MDGA2: variants seen among roughly 807,000 people sequenced by gnomAD.
The protein encoded by MDGA2 is MAM domain-containing glycosylphosphatidylinositol anchor protein 2.
MDGA2 carries 40 observed loss-of-function variants against 117.8 expected under a neutral mutation model. The ratio of observed to expected loss-of-function variants is 0.34; its 90% CI spans 0.26 to 0.44. MDGA2 has a LOEUF of 0.44. MDGA2 is among the 20% of genes least tolerant of loss of function. The probability of loss-of-function intolerance (pLI) is 1.00; values close to 1 mark genes in which losing one functional copy is unlikely to be tolerated. For missense variants in MDGA2, 1,123 were observed against 1,250.6 expected (o/e 0.90, Z 1.54); for synonymous variants, 452 against 439.0 (o/e 1.03, Z -0.37).
intron 1 of MDGA2, among the ~76,000 whole-genome samples, chr14:47,428,047 T>A (rs1005823526): frequency 3.9e-5 from 6 of 152,184 alleles, no homozygotes; most frequent in African/African-American, 1.4e-4. Flanking sequence ...TTTTTTTGCA[T>A]AGCTATTTTA....
At chr14:47,244,872 C>T (rs1053374293) in intron 2 of MDGA2, among the ~76,000 whole-genome samples, 1 of 151,632 alleles carries the variant, frequency 6.6e-6, no homozygotes, top group Non-Finnish European at 1.5e-5. Context: ...TCTACCTCTT[C>T]CATCCCTAAG....
At chr14:47,198,228 A>C (rs982875778) in intron 3 of MDGA2, among the ~76,000 whole-genome samples, 2 of 152,196 alleles carry the variant, frequency 1.3e-5, no homozygotes, top group Admixed American at 6.5e-5. Flanking sequence ...TTAAATGGTT[A>C]GTCTTTACTT....
chr14:47,218,245 A>G (rs760967880), intron 2 of MDGA2, 50 bp from the exon 3 acceptor site: 18 of 1,432,668 alleles, frequency 1.3e-5, no homozygotes, highest in South Asian at 1.5e-5. Flanking sequence ...TTTCCCACAG[A>G]GAAATCAAAT....
chr14:47,082,654 C>T (rs1340882991), intron 6 of MDGA2, among the ~76,000 whole-genome samples: 1 of 151,552 alleles, frequency 6.6e-6, no homozygotes, highest in Admixed American at 6.6e-5. Flanking sequence ...TAATCCTGAG[C>T]CGGTTTTTCA....
chr14:47,257,933 C>G (rs1887677127), intron 2 of MDGA2, among the ~76,000 whole-genome samples: 1 of 152,050 alleles, frequency 6.6e-6, no homozygotes, highest in South Asian at 2.1e-4. Context: ...TAAGTTTTAA[C>G]TAGTTGCAAA....
intron 10 of MDGA2, among the ~76,000 whole-genome samples, chr14:46,918,906 C>T (rs1165374212): frequency 3.3e-5 from 5 of 151,820 alleles, no homozygotes; most frequent in African/African-American, 9.7e-5. Flanking sequence ...GGACTACAGG[C>T]GCCCGTCAAC....
chr14:47,142,734 A>G (rs1882776118), intron 4 of MDGA2, among the ~76,000 whole-genome samples: 1 of 152,156 alleles, frequency 6.6e-6, no homozygotes, highest in Non-Finnish European at 1.5e-5. Context: ...GGGAAAATTC[A>G]GTCCTGCCTG....
rs151232297 is a variant in MDGA2 at position 47,385,845 on chromosome 14, T to C, written c.281-84295A>G. Among the ~76,000 whole-genome samples the C allele has an allele frequency of 1.4e-4, 22 of 152,268 alleles. No homozygotes were observed. The East Asian group carries it at 3.9e-3, about 27-fold the overall frequency. ...CAACTGAGGCAGTTGCTTACCTATT[T>C]TATAATGTTGATAAATCCCAAAACT... On this transcript the variant is annotated intron_variant, in intron 1 of 16. Transcript: ENST00000399232.
intron 3 of MDGA2, among the ~76,000 whole-genome samples, chr14:47,173,643 A>C (rs931678572): frequency 2.6e-5 from 4 of 152,198 alleles, no homozygotes; most frequent in Non-Finnish European, 4.4e-5. Context: ...AGAGCTCCTG[A>C]AGGAAGCACT....
intron 1 of MDGA2, among the ~76,000 whole-genome samples, chr14:47,537,574 TAAAAAAAAAAAAAAAAAAAAAAAAAAA>T (rs58060138): frequency 2.7e-5 from 1 of 36,634 alleles, no homozygotes; most frequent in African/African-American, 8.4e-5. Flanking sequence ...TTCTCTCTGT[TAAAAAAAAAAAAAAAAAAAAAAAAAAA>T]AAAAAAAAAA....
intron 3 of MDGA2, among the ~76,000 whole-genome samples, chr14:47,148,069 A>T (rs1883016384): frequency 6.6e-6 from 1 of 152,130 alleles, no homozygotes. Context: ...CTATGTAACA[A>T]CAGTCCTACC....
chr14:47,626,394 G>A (rs1050977776), intron 1 of MDGA2: 12 of 152,992 alleles, frequency 7.8e-5, no homozygotes, highest in Admixed American at 2.0e-4. Context: ...CAGCCAGCTG[G>A]CAGCCCTCAC....
At chr14:47,481,616 G>T (rs1893955389) in intron 1 of MDGA2, among the ~76,000 whole-genome samples, 1 of 151,872 alleles carries the variant, frequency 6.6e-6, no homozygotes, top group African/African-American at 2.4e-5. Flanking sequence ...GTGACCAAAT[G>T]GCTCAAGGAC....
intron 8 of MDGA2, among the ~76,000 whole-genome samples, chr14:46,993,523 G>A (rs1299791320): frequency 6.6e-6 from 1 of 151,520 alleles, no homozygotes; most frequent in Non-Finnish European, 1.5e-5. Context: ...GTGCAGTGGT[G>A]TAATCTCAGT....
At chr14:47,278,027 C>G (rs1888360306) in intron 2 of MDGA2, among the ~76,000 whole-genome samples, 2 of 151,864 alleles carry the variant, frequency 1.3e-5, no homozygotes, top group Non-Finnish European at 2.9e-5. Context: ...GCCCAAGTAG[C>G]TATAGAGGGG....
chr14:46,895,356 A>G lies in MDGA2; in HGVS notation c.2239-13135T>C, dbSNP rs565637776. On this transcript the variant is annotated intron_variant, in intron 10 of 16. Transcript: ENST00000399232. ...CCCAGTCTCAGATATTTCTTCATAG[A>G]AGCATGAGAATGGACTAACACAGTA... 6.6e-5 allele frequency among the ~76,000 whole-genome samples: 10 copies of G among 152,296 alleles called. No individual in the cohort carries two copies. The South Asian group carries it at 2.1e-3, about 32-fold the overall frequency.
intron 3 of MDGA2, among the ~76,000 whole-genome samples, chr14:47,209,668 C>G (rs1885812817): frequency 6.6e-6 from 1 of 152,130 alleles, no homozygotes; most frequent in Admixed American, 6.5e-5. Context: ...ATTAGGAACT[C>G]TAATACTATT....
intron 1 of MDGA2, among the ~76,000 whole-genome samples, chr14:47,514,662 G>A (rs1475801868): frequency 6.6e-6 from 1 of 152,042 alleles, no homozygotes; most frequent in African/African-American, 2.4e-5. Flanking sequence ...AAAGTAAATT[G>A]TCCTTTATAC....
At chr14:46,899,326 T>G (rs1883197444) in intron 10 of MDGA2, among the ~76,000 whole-genome samples, 1 of 152,016 alleles carries the variant, frequency 6.6e-6, no homozygotes, top group South Asian at 2.1e-4. Context: ...TAAATTTCCC[T>G]GAGAGTTATG....
Sources: allele counts gnomAD v4.1 joint callset (sites outside exome capture counted in the v4.1 genomes callset), GRCh38; gene constraint gnomAD v4.1.1; transcripts MANE v1.5; gene names NCBI Gene and HGNC (gene_info 2026-07-23, HGNC 2026-07-21).